The following SEC14L1 variants were observed in gnomAD, a reference collection of about 807,000 sequenced individuals.
The protein encoded by SEC14L1 is SEC14 like lipid binding 1, also known as SEC14-like protein 1.
SEC14L1 carries 48 observed loss-of-function variants against 85.3 expected under a neutral mutation model. That is an observed-to-expected ratio of 0.56 (90% confidence interval 0.45 to 0.72). The LOEUF is 0.72. Ranked by LOEUF, SEC14L1 falls within the 30% of genes least tolerant of loss-of-function variation. The pLI is 0.00. For synonymous variants in SEC14L1, 391 were observed against 355.5 expected, an observed-to-expected ratio of 1.10 and a Z score of -1.12; for missense variants, 682 against 921.4, an observed-to-expected ratio of 0.74 and a Z score of 3.36.
At chr17:77,149,173 G>T (rs913850065) in intron 3 of SEC14L1, among the ~76,000 whole-genome samples, 1 of 152,150 alleles carries the variant, frequency 6.6e-6, no homozygotes, top group Non-Finnish European at 1.5e-5. Context: ...TTGGTGTTAG[G>T]TACTTTCACT....
chr17:77,098,761 G>A (rs1309831773), intron 3 of SEC14L1, among the ~76,000 whole-genome samples: 5 of 152,148 alleles, frequency 3.3e-5, no homozygotes, highest in Admixed American at 2.6e-4. Context: ...AGCTCACCCC[G>A]TGGTTTTGGA....
At chr17:77,141,281 GC>G (rs1354337966) in intron 1 of SEC14L1, 174 bp downstream of exon 1, 1 of 17,398 alleles carries the variant, frequency 5.7e-5, no homozygotes, top group African/African-American at 2.5e-4. Flanking sequence ...CCGTGCCCCC[GC>G]CCCCCTGCTC....
chr17:77,204,760 C>T (rs950683732), intron 10 of SEC14L1, among the ~76,000 whole-genome samples: 14 of 152,008 alleles, frequency 9.2e-5, no homozygotes, highest in African/African-American at 2.4e-4. Flanking sequence ...CTGCCCCCAC[C>T]GCTATGTGTG....
intron 3 of SEC14L1, among the ~76,000 whole-genome samples, chr17:77,127,025 TA>T (rs909968948): frequency 6.6e-6 from 1 of 151,440 alleles, no homozygotes; most frequent in Admixed American, 6.6e-5. Context: ...TTTCTTCTTT[TA>T]AAAAAAAGGG....
At chr17:77,112,111 A>G (rs1290466796) in intron 3 of SEC14L1, among the ~76,000 whole-genome samples, 2 of 152,100 alleles carry the variant, frequency 1.3e-5, no homozygotes, top group Non-Finnish European at 2.9e-5. Flanking sequence ...TGATGGTTTT[A>G]TAAGGGCCCT....
At chr17:77,115,953 C>T (rs905894285) in intron 3 of SEC14L1, among the ~76,000 whole-genome samples, 17 of 150,900 alleles carry the variant, frequency 1.1e-4, no homozygotes, top group African/African-American at 4.1e-4. Flanking sequence ...CAGAGTCTCA[C>T]TCTCACCCAG....
chr17:77,195,221 C>CAAG (rs1975745038), intron 7 of SEC14L1, among the ~76,000 whole-genome samples: 1 of 151,992 alleles, frequency 6.6e-6, no homozygotes, highest in Non-Finnish European at 1.5e-5. Flanking sequence ...GTCTTGAACT[C>CAAG]CTGGGCTCAA....
At position 77,150,801 on chromosome 17, in the gene SEC14L1, G is replaced by C. The variant is rs1034539977; in HGVS notation, c.63+7142G>C. Among the ~76,000 whole-genome samples the C allele has an allele frequency of 8.5e-5, 13 of 152,128 alleles. 1 individual carries two copies. Among genetic ancestry groups the C allele is most frequent in the Middle Eastern group, 3.2e-3 (1 of 316 alleles). On this transcript the variant is annotated intron_variant, in intron 3 of 16. Transcript: ENST00000436233. ...AGCTGCGTTCAGAAACCATCCATCC[G>C]CCCACCCGTACCTTGCCTGAATATT...
At position 77,216,498 on chromosome 17, in the gene SEC14L1, A is replaced by C; in HGVS notation, c.*2475A>C. 6.2e-7 allele frequency: 1 copy of C among 1,612,760 alleles called. No homozygotes were observed. The highest frequency in any genetic ancestry group is 1.1e-5 in the South Asian group (1 of 91,056). On this transcript the variant is annotated 3_prime_UTR_variant, in exon 17 of 17. Transcript: ENST00000436233. ...CTGGTGCTTCCTGTTCCCAAATCACAAGGGCCTGAAGGTGGTCCCTGCTTT... is the reference window on the plus strand; with the variant it reads ...CTGGTGCTTCCTGTTCCCAAATCACCAGGGCCTGAAGGTGGTCCCTGCTTT...
chr17:77,148,727 C>G (rs1354554969), intron 3 of SEC14L1, among the ~76,000 whole-genome samples: 1 of 152,222 alleles, frequency 6.6e-6, no homozygotes, highest in East Asian at 1.9e-4. Flanking sequence ...GTCCCTTGTT[C>G]CTTTGCGCAC....
chr17:77,183,543 C>T (rs763244866), intron 3 of SEC14L1, among the ~76,000 whole-genome samples: 7 of 152,192 alleles, frequency 4.6e-5, no homozygotes, highest in East Asian at 1.9e-4. Context: ...GTGGGAGTAT[C>T]GCTTGAGCCA....
intron 3 of SEC14L1, chr17:77,185,125 A>C: frequency 1.3e-6 from 1 of 740,834 alleles, no homozygotes; most frequent in Non-Finnish European, 1.6e-6. Context: ...TGTATGCTTC[A>C]AAACATGTTT....
chr17:77,191,003 G>T (rs373675384), intron 4 of SEC14L1, 51 bp downstream of exon 4: 3 of 1,602,188 alleles, frequency 1.9e-6, no homozygotes, highest in Non-Finnish European at 1.7e-6. Flanking sequence ...TGGTGGGAGA[G>T]GGCGTCCTGG....
intron 10 of SEC14L1, among the ~76,000 whole-genome samples, chr17:77,204,242 A>G (rs1976339019): frequency 6.6e-6 from 1 of 152,026 alleles, no homozygotes; most frequent in South Asian, 2.1e-4. Flanking sequence ...TTTGAGACGG[A>G]GTTTCACTCT....
chr17:77,109,564 C>CT (rs1972002850), intron 3 of SEC14L1, among the ~76,000 whole-genome samples: 1 of 152,168 alleles, frequency 6.6e-6, no homozygotes, highest in Admixed American at 6.5e-5. Flanking sequence ...GCACGGGTGA[C>CT]TCCATTTTGA....
chr17:77,214,722 C>G lies in SEC14L1; in HGVS notation c.*699C>G, dbSNP rs1348162448. ...ACATTACTTTCTCTTTCCTCCTTTT[C>G]AAATCTTTTTGATACTTTTTAGAGC... On this transcript the variant is annotated 3_prime_UTR_variant, in exon 17 of 17. Transcript: ENST00000436233. 2 of 985,418 alleles carry G rather than the reference C, an allele frequency of 2.0e-6. No individual in the cohort carries two copies. The highest frequency in any genetic ancestry group is 2.3e-4 in the East Asian group (2 of 8,830). 61.0% of individuals were successfully genotyped at this position (985,418 alleles called of 1,614,324 possible).
At chr17:77,185,385 T>C in intron 3 of SEC14L1, 7 of 985,422 alleles carry the variant, frequency 7.1e-6, no homozygotes, top group Non-Finnish European at 8.4e-6. Flanking sequence ...CATGCCAAGG[T>C]AAAGTGAACG....
chr17:77,152,944 T>C (rs1973629477), intron 3 of SEC14L1, among the ~76,000 whole-genome samples: 1 of 152,242 alleles, frequency 6.6e-6, no homozygotes, highest in Admixed American at 6.5e-5. Flanking sequence ...GGGTCATTTG[T>C]CCTGTTCAGT....
intron 3 of SEC14L1, among the ~76,000 whole-genome samples, chr17:77,118,369 C>T (rs1285184783): frequency 6.6e-6 from 1 of 152,216 alleles, no homozygotes; most frequent in African/African-American, 2.4e-5. Context: ...TTGTTAATTA[C>T]CACCTTCGTT....
Sources: allele counts gnomAD v4.1 joint callset (sites outside exome capture counted in the v4.1 genomes callset), GRCh38; gene constraint gnomAD v4.1.1; transcripts MANE v1.5; gene names NCBI Gene and HGNC (gene_info 2026-07-23, HGNC 2026-07-21).